The following MLLT10 variants were observed in gnomAD, a reference collection of about 807,000 sequenced individuals.
MLLT10 encodes MLLT10 histone lysine methyltransferase DOT1L cofactor.
In MLLT10, 30 loss-of-function variants were observed where a neutral mutation model predicts 129.1. That is an observed-to-expected ratio of 0.23 (90% CI 0.17 to 0.32). The LOEUF is 0.32. Ranked by LOEUF, MLLT10 falls within the 10% of genes least tolerant of loss-of-function variation. MLLT10 has a pLI of 1.00. For synonymous variants in MLLT10, 490 were observed against 446.4 expected (o/e 1.10, Z -1.23); for missense variants, 1,119 against 1,268.3 (o/e 0.88, Z 1.79).
chr10:21,673,070 A>C (rs1336409513), intron 10 of MLLT10, among the ~76,000 whole-genome samples: 3 of 152,158 alleles, frequency 2.0e-5, no homozygotes, highest in Non-Finnish European at 4.4e-5. Flanking sequence ...AGGTGAAATA[A>C]AGCGCATCTT....
At chr10:21,644,124 C>T (rs2048267168) in intron 8 of MLLT10, among the ~76,000 whole-genome samples, 1 of 152,100 alleles carries the variant, frequency 6.6e-6, no homozygotes, top group Non-Finnish European at 1.5e-5. Context: ...TCATCTCATT[C>T]TTGAGCTTTG....
chr10:21,635,727 T>A (rs2047389006), intron 8 of MLLT10, among the ~76,000 whole-genome samples: 1 of 151,380 alleles, frequency 6.6e-6, no homozygotes, highest in African/African-American at 2.4e-5. Flanking sequence ...CTGTTTTTTG[T>A]TGTTGTTTTT....
At chr10:21,625,139 C>T (rs2046305116) in intron 8 of MLLT10, 19 of 1,073,406 alleles carry the variant, frequency 1.8e-5, no homozygotes, top group Admixed American at 3.5e-5. Context: ...TAATCGGAAG[C>T]GGCATGCGAG....
At chr10:21,729,032 G>A (rs2057743985) in intron 16 of MLLT10, among the ~76,000 whole-genome samples, 1 of 151,774 alleles carries the variant, frequency 6.6e-6, no homozygotes, top group African/African-American at 2.4e-5. Flanking sequence ...ATCTAGTGAT[G>A]CCTTTTTTTC....
chr10:21,595,474 A>G (rs141068358), intron 5 of MLLT10, 34 bp downstream of exon 5: 16,338 of 1,512,802 alleles, frequency 0.011, 239 homozygotes, highest in Non-Finnish European at 0.01. Context: ...CTGTTTGAAT[A>G]TCACTACTGG....
chr10:21,534,832 C>G, intron 2 of MLLT10, 28 bp downstream of exon 2: 1 of 1,542,148 alleles, frequency 6.5e-7, no homozygotes, highest in Non-Finnish European at 8.8e-7. Flanking sequence ...CGCCGGGGCG[C>G]GCCGGCCTGC....
chr10:21,618,306 G>A (rs1166665013), intron 8 of MLLT10, among the ~76,000 whole-genome samples: 1 of 151,772 alleles, frequency 6.6e-6, no homozygotes, highest in Non-Finnish European at 1.5e-5. Context: ...GACCAGCCTG[G>A]CCAACATGGT....
At chr10:21,695,888 A>C (rs2054311137) in intron 13 of MLLT10, among the ~76,000 whole-genome samples, 1 of 150,826 alleles carries the variant, frequency 6.6e-6, no homozygotes, top group African/African-American at 2.5e-5. Flanking sequence ...GCATAGACCA[A>C]ATTGGACAAG....
At chr10:21,625,288 T>C in intron 8 of MLLT10, 1 of 892,214 alleles carries the variant, frequency 1.1e-6, no homozygotes, top group Non-Finnish European at 1.9e-6. Flanking sequence ...TGCCATTCAT[T>C]TCATCCATAG....
chr10:21,668,079 A>T (rs1005134734), intron 9 of MLLT10, among the ~76,000 whole-genome samples: 1 of 152,174 alleles, frequency 6.6e-6, no homozygotes, highest in Admixed American at 6.5e-5. Flanking sequence ...AACAACAAAA[A>T]AAGAACTTAC....
At position 21,740,169 on chromosome 10, in the gene MLLT10, CA is replaced by C; in HGVS notation, c.3096del (p.Leu1033PhefsTer21). 6.2e-7 allele frequency: 1 copy of C among 1,614,196 alleles called. No homozygotes were observed. Among genetic ancestry groups the C allele is most frequent in the Non-Finnish European group, 8.5e-7 (1 of 1,180,034 alleles). On this transcript the variant is annotated frameshift_variant, in exon 22 of 23. Transcript: ENST00000307729. LOFTEE classifies it high-confidence loss of function. ...CTTCTTGCAGGTACACAGGCACCCC[CA>C]CTTCACACAGCTACCACCAACCCAT... ...NNLLAGTQAP[P>X]LHTATTNPFL...
chr10:21,563,261 G>A (rs1437031942), intron 3 of MLLT10, among the ~76,000 whole-genome samples: 1 of 151,970 alleles, frequency 6.6e-6, no homozygotes, highest in African/African-American at 2.4e-5. Flanking sequence ...GCGTGGCTCA[G>A]GCCTATAATC....
chr10:21,667,585 A>G (rs2050951555), intron 9 of MLLT10, among the ~76,000 whole-genome samples: 1 of 151,790 alleles, frequency 6.6e-6, no homozygotes, highest in Non-Finnish European at 1.5e-5. Context: ...TTGTAGTCTC[A>G]AGGTTGGCTT....
intron 3 of MLLT10, among the ~76,000 whole-genome samples, chr10:21,582,074 C>A (rs2041514846): frequency 3.3e-5 from 5 of 151,808 alleles, no homozygotes; most frequent in African/African-American, 1.2e-4. Context: ...TTGAGAGAGA[C>A]CACATTCATA....
chr10:21,642,718 A>T (rs2131299034), intron 8 of MLLT10, among the ~76,000 whole-genome samples: 1 of 152,106 alleles, frequency 6.6e-6, no homozygotes, highest in African/African-American at 2.4e-5. Context: ...ATTGAAACCT[A>T]TTCCAGGCCT....
chr10:21,696,496 A>T (rs1409979200), intron 13 of MLLT10, among the ~76,000 whole-genome samples: 1 of 152,232 alleles, frequency 6.6e-6, no homozygotes, highest in Non-Finnish European at 1.5e-5. Context: ...AGTCAGGTCA[A>T]GAATGGCTCT....
intron 13 of MLLT10, among the ~76,000 whole-genome samples, chr10:21,713,211 T>C (rs1244867200): frequency 6.6e-6 from 1 of 152,240 alleles, no homozygotes; most frequent in Admixed American, 6.5e-5. Flanking sequence ...ATCGCTGGAA[T>C]GTCTCTAGAA....
chr10:21,659,449 C>T (rs955464650), intron 9 of MLLT10, among the ~76,000 whole-genome samples: 1 of 151,266 alleles, frequency 6.6e-6, no homozygotes, highest in Non-Finnish European at 1.5e-5. Context: ...TTCAGTGGTT[C>T]GTTGGTGAAA....
intron 3 of MLLT10, among the ~76,000 whole-genome samples, chr10:21,543,529 A>C (rs747934581): frequency 4.7e-4 from 71 of 152,136 alleles, no homozygotes; most frequent in Non-Finnish European, 9.1e-4. Flanking sequence ...CCAGGCTTGG[A>C]GTGCAGTGGC....
Sources: gnomAD v4.1 joint callset for allele counts (sites outside exome capture counted in the v4.1 genomes callset) on GRCh38, gnomAD v4.1.1 for gene constraint, MANE v1.5 for transcripts, NCBI Gene and HGNC (gene_info 2026-07-23, HGNC 2026-07-21) for gene names.